Variants in PCDH9 observed in about 807,000 individuals in gnomAD.
The protein encoded by PCDH9 is protocadherin-9.
A neutral mutation model predicts 70.6 loss-of-function variants in PCDH9; 24 were observed. The ratio of observed to expected loss-of-function variants is 0.34; its 90% CI spans 0.25 to 0.48. The LOEUF is 0.48. PCDH9 is among the 20% of genes least tolerant of loss of function. The pLI, the probability that PCDH9 is intolerant of heterozygous loss-of-function variation, is 0.99. For synonymous variants in PCDH9, 562 were observed against 558.5 expected (o/e 1.01, Z -0.09); for missense variants, 1,281 against 1,503.6 (o/e 0.85, Z 2.45).
intron 4 of PCDH9, among the ~76,000 whole-genome samples, chr13:66,390,075 G>A (rs1956991449): frequency 6.6e-6 from 1 of 152,092 alleles, no homozygotes; most frequent in South Asian, 2.1e-4. Flanking sequence ...AAATGTGCCT[G>A]TTTACATTAT....
At position 66,332,478 on chromosome 13, in the gene PCDH9, C is replaced by T. The variant is rs111365343; in HGVS notation, c.3341-27450G>A. Among the ~76,000 whole-genome samples the T allele has an allele frequency of 2.7e-3, 405 of 152,212 alleles. 2 individuals carry two copies. The highest frequency in any genetic ancestry group is 9.3e-3 in the African/African-American group (387 of 41,538). On this transcript the variant is annotated intron_variant, in intron 4 of 4. Coordinates refer to ENST00000377865, the MANE Select transcript of PCDH9 (RefSeq NM_203487.3). The stretch of plus-strand genomic sequence containing the variant: ...TGACCTATTACTTTTTGGTAGTTCA[C>T]TGGCTCAACAAATAAATACTGATTC...
At chr13:67,197,828 C>T (rs987822977) in intron 2 of PCDH9, among the ~76,000 whole-genome samples, 2 of 151,640 alleles carry the variant, frequency 1.3e-5, no homozygotes, top group Non-Finnish European at 3.0e-5. Context: ...ATGTATTTAG[C>T]ACATATATTT....
chr13:66,735,931 TCCAG>T (rs1593975605), intron 3 of PCDH9, among the ~76,000 whole-genome samples: 1 of 151,464 alleles, frequency 6.6e-6, no homozygotes, highest in East Asian at 1.9e-4. Context: ...GCCACTGCAC[TCCAG>T]CCTGGATGAC....
chr13:66,451,837 A>G (rs2138429290), intron 4 of PCDH9, among the ~76,000 whole-genome samples: 1 of 152,366 alleles, frequency 6.6e-6, no homozygotes, highest in African/African-American at 2.4e-5. Flanking sequence ...TTCCTTTTTC[A>G]CTAGACTGTT....
chr13:66,745,673 T>A (rs1040068351), intron 3 of PCDH9, among the ~76,000 whole-genome samples: 1 of 152,170 alleles, frequency 6.6e-6, no homozygotes, highest in Non-Finnish European at 1.5e-5. Context: ...AGCATGCTCA[T>A]CTTAAATTAA....
At chr13:66,591,312 T>C (rs989938117) in intron 4 of PCDH9, among the ~76,000 whole-genome samples, 1 of 151,718 alleles carries the variant, frequency 6.6e-6, no homozygotes, top group Non-Finnish European at 1.5e-5. Context: ...CAATATTTTG[T>C]AAATACATGA....
intron 4 of PCDH9, among the ~76,000 whole-genome samples, chr13:66,508,495 T>C (rs1294633012): frequency 6.6e-6 from 1 of 152,216 alleles, no homozygotes; most frequent in Non-Finnish European, 1.5e-5. Context: ...TTCACTCTTG[T>C]GTTGCTCACT....
At chr13:66,832,767 A>T (rs2080951155) in intron 3 of PCDH9, among the ~76,000 whole-genome samples, 1 of 152,154 alleles carries the variant, frequency 6.6e-6, no homozygotes, top group South Asian at 2.1e-4. Flanking sequence ...AGAGATGTTT[A>T]ACCATTAGCT....
At chr13:66,515,445 TA>T (rs1293725184) in intron 4 of PCDH9, among the ~76,000 whole-genome samples, 1 of 151,932 alleles carries the variant, frequency 6.6e-6, no homozygotes, top group African/African-American at 2.4e-5. Context: ...GTTCCACGGA[TA>T]AAAACATGGT....
Position 66,543,683 on chromosome 13 carries a change from G to T in PCDH9, c.3340+87527C>A, listed in dbSNP as rs775546150. ...AAAGTTAAAGAGGGTATACAGAAAA[G>T]TCAATTGAATTAAACATATTTAAAA... On this transcript the variant is annotated intron_variant, in intron 4 of 4. Coordinates refer to ENST00000377865, the MANE Select transcript of PCDH9 (RefSeq NM_203487.3). 2.6e-4 allele frequency among the ~76,000 whole-genome samples: 39 copies of T among 151,976 alleles called. 1 individual carries two copies. The highest frequency in any genetic ancestry group is 1.5e-4 in the Non-Finnish European group (10 of 68,014).
intron 4 of PCDH9, among the ~76,000 whole-genome samples, chr13:66,472,907 A>G (rs958179882): frequency 1.3e-5 from 2 of 152,088 alleles, no homozygotes; most frequent in Admixed American, 6.6e-5. Context: ...CTCCTAAAGG[A>G]TGAAAGTTCA....
In PCDH9 at chr13:66,487,411, C is replaced by T. The variant is rs9529071; in HGVS notation, c.3340+143799G>A. 3.5e-3 allele frequency among the ~76,000 whole-genome samples: 528 copies of T among 152,232 alleles called. 1 individual carries two copies. The highest frequency in any genetic ancestry group is 6.3e-3 in the Non-Finnish European group (428 of 67,992). On this transcript the variant is annotated intron_variant, in intron 4 of 4. Coordinates refer to ENST00000377865, the MANE Select transcript of PCDH9 (RefSeq NM_203487.3). ...GGCTTAATTTATAGATATTGACTTA[C>T]TAAAACTACATACATGGCCATCACT...
intron 3 of PCDH9, among the ~76,000 whole-genome samples, chr13:66,784,922 T>C (rs2080056250): frequency 1.3e-5 from 2 of 152,134 alleles, no homozygotes; most frequent in South Asian, 4.1e-4. Flanking sequence ...CTAGTGAGCC[T>C]CTGTCTTATT....
chr13:66,529,629 A>G (rs1960358009), intron 4 of PCDH9, among the ~76,000 whole-genome samples: 2 of 152,094 alleles, frequency 1.3e-5, no homozygotes, highest in Admixed American at 6.6e-5. Flanking sequence ...TTTTATTACA[A>G]GAAGTCCATT....
At chr13:66,501,775 C>G (rs1295598980) in intron 4 of PCDH9, among the ~76,000 whole-genome samples, 1 of 151,842 alleles carries the variant, frequency 6.6e-6, no homozygotes, top group African/African-American at 2.4e-5. Flanking sequence ...GAAAAAAATC[C>G]CTTTACCTTT....
intron 3 of PCDH9, among the ~76,000 whole-genome samples, chr13:66,764,955 A>T (rs116199584): frequency 0.016 from 2,393 of 152,084 alleles, 91 homozygotes; most frequent in African/African-American, 0.054. Context: ...TTTAAGAAAT[A>T]AATTTTTTCT....
intron 3 of PCDH9, among the ~76,000 whole-genome samples, chr13:66,826,214 A>G (rs1791566034): frequency 6.6e-6 from 1 of 152,192 alleles, no homozygotes; most frequent in Admixed American, 6.5e-5. Flanking sequence ...GAGTCATGGA[A>G]TGGATTCCAA....
At chr13:66,944,096 T>A (rs1193267513) in intron 2 of PCDH9, among the ~76,000 whole-genome samples, 1 of 152,142 alleles carries the variant, frequency 6.6e-6, no homozygotes, top group Non-Finnish European at 1.5e-5. Flanking sequence ...TTATCAAACA[T>A]ATGTTTTGTG....
chr13:67,053,279 C>A (rs2085356427), intron 2 of PCDH9, among the ~76,000 whole-genome samples: 2 of 152,140 alleles, frequency 1.3e-5, no homozygotes, highest in Non-Finnish European at 2.9e-5. Flanking sequence ...ATGTTTAGAA[C>A]TTTACTTTTG....
Sources: gnomAD v4.1 joint callset for allele counts (sites outside exome capture counted in the v4.1 genomes callset) on GRCh38, gnomAD v4.1.1 for gene constraint, MANE v1.5 for transcripts, NCBI Gene and HGNC (gene_info 2026-07-23, HGNC 2026-07-21) for gene names.